The following GPHN variants were observed in gnomAD, a reference collection of about 807,000 sequenced individuals.
GPHN encodes gephyrin.
Under a neutral mutation model 95.5 loss-of-function variants are expected in GPHN, and 17 were observed. That is an observed-to-expected ratio of 0.18 (90% CI 0.12 to 0.27). The LOEUF (loss-of-function observed/expected upper bound fraction) is 0.27, where lower values mean the gene tolerates loss of function less well. GPHN is among the 10% of genes least tolerant of loss of function. GPHN has a pLI of 1.00. For missense variants in GPHN, 660 were observed against 978.1 expected, an observed-to-expected ratio of 0.67 and a Z score of 4.34; for synonymous variants, 320 against 322.5, an observed-to-expected ratio of 0.99 and a Z score of 0.08.
At chr14:67,724,995 G>A in the GPHN span, 1 of 1,287,934 alleles carries the variant, frequency 7.8e-7, no homozygotes, top group Non-Finnish European at 1.1e-6. Flanking sequence ...TTGAAGGATG[G>A]CTGGGAGAAT....
chr14:67,079,324 T>A (rs2076605643), intron 11 of GPHN, among the ~76,000 whole-genome samples: 1 of 152,074 alleles, frequency 6.6e-6, no homozygotes. Flanking sequence ...TCAGTGTTTT[T>A]AGTATACTCA....
the GPHN span, chr14:67,269,735 G>A: frequency 6.6e-6 from 1 of 152,556 alleles, no homozygotes; most frequent in South Asian, 2.1e-4. Context: ...AAAAACCGGA[G>A]AAGAGAAACT....
chr14:67,137,471 A>T (rs2080159956), intron 17 of GPHN, among the ~76,000 whole-genome samples: 1 of 152,006 alleles, frequency 6.6e-6, no homozygotes, highest in Non-Finnish European at 1.5e-5. Flanking sequence ...AGAAAAAAAG[A>T]ATTATTTTTC....
At chr14:67,109,113 A>G (rs573068437) in intron 13 of GPHN, among the ~76,000 whole-genome samples, 40 of 152,280 alleles carry the variant, frequency 2.6e-4, no homozygotes, top group African/African-American at 9.6e-4. Context: ...AGCAATTATA[A>G]TGGTATTTGT....
chr14:66,522,800 CT>C (rs11319369), intron 1 of GPHN, among the ~76,000 whole-genome samples: 38,748 of 150,476 alleles, frequency 0.26, 9,757 homozygotes, highest in African/African-American at 0.62. Context: ...TTTGTTTGTC[CT>C]TTTTTTTCCT....
At chr14:67,572,862 A>T in the GPHN span, among the ~76,000 whole-genome samples, 2 of 152,228 alleles carry the variant, frequency 1.3e-5, no homozygotes, top group Admixed American at 6.5e-5. Flanking sequence ...GGTTGCCCAG[A>T]CCTGCCTTGC....
At chr14:67,727,245 C>A in the GPHN span, 2 of 1,410,438 alleles carry the variant, frequency 1.4e-6, no homozygotes, top group East Asian at 2.4e-5. Context: ...AATTAGAGGT[C>A]CACAGCAACT....
chr14:66,723,990 C>A (rs1204216681), intron 2 of GPHN, among the ~76,000 whole-genome samples: 2 of 131,256 alleles, frequency 1.5e-5, no homozygotes, highest in South Asian at 4.5e-4. Flanking sequence ...CATACATACA[C>A]ACACACACAC....
the GPHN span, among the ~76,000 whole-genome samples, chr14:67,572,826 C>T: frequency 2.2e-4 from 34 of 152,214 alleles, no homozygotes; most frequent in South Asian, 6.2e-4. Context: ...CCATGACCCT[C>T]CAGTCCTGCC....
intron 2 of GPHN, among the ~76,000 whole-genome samples, chr14:66,752,613 A>G (rs555849278): frequency 1.3e-5 from 2 of 152,222 alleles, no homozygotes; most frequent in Admixed American, 6.6e-5. Context: ...TTACAAGAGT[A>G]ATATCAAAGG....
At chr14:66,588,052 A>G (rs1446628566) in intron 1 of GPHN, among the ~76,000 whole-genome samples, 1 of 152,168 alleles carries the variant, frequency 6.6e-6, no homozygotes, top group African/African-American at 2.4e-5. Context: ...ACAGGTAGCA[A>G]TCTTTGCTGT....
At chr14:67,200,056 C>T in the GPHN span, 1 of 932,728 alleles carries the variant, frequency 1.1e-6, no homozygotes, top group Non-Finnish European at 1.6e-6. Context: ...TGGGGGACAG[C>T]CACCACCCCA....
intron 2 of GPHN, among the ~76,000 whole-genome samples, chr14:66,770,542 A>G (rs1053900890): frequency 8.5e-5 from 13 of 152,306 alleles, no homozygotes; most frequent in Admixed American, 3.3e-4. Context: ...ACAAGAATCT[A>G]TTTCAACCCT....
At chr14:67,594,371 G>A in the GPHN span, among the ~76,000 whole-genome samples, 10 of 152,138 alleles carry the variant, frequency 6.6e-5, no homozygotes, top group Non-Finnish European at 1.3e-4. Flanking sequence ...GGACCCAGCC[G>A]AGTGAGGTGG....
intron 2 of GPHN, among the ~76,000 whole-genome samples, chr14:66,749,781 C>A (rs2058298963): frequency 6.6e-6 from 1 of 151,272 alleles, no homozygotes; most frequent in African/African-American, 2.4e-5. Context: ...ATATTTTCTT[C>A]CAGTCTGTGG....
At chr14:66,522,174 A>G (rs558532630) in intron 1 of GPHN, among the ~76,000 whole-genome samples, 18 of 152,286 alleles carry the variant, frequency 1.2e-4, no homozygotes, top group Middle Eastern at 3.4e-3. Context: ...TTCATACTCT[A>G]TATAAAAGAG....
the GPHN span, among the ~76,000 whole-genome samples, chr14:67,316,073 T>C: frequency 6.6e-6 from 1 of 152,212 alleles, no homozygotes; most frequent in Non-Finnish European, 1.5e-5. Flanking sequence ...AATCTCTGGC[T>C]TTACACTGAA....
At chr14:67,625,680 C>CAAAAAAA in the GPHN span, among the ~76,000 whole-genome samples, 30 of 31,860 alleles carry the variant, frequency 9.4e-4, no homozygotes, top group Middle Eastern at 0.016. Flanking sequence ...AACTCCATCT[C>CAAAAAAA]AAAAAAAAAA....
rs142783529 is a variant in GPHN, at chr14:66,828,591, G to A, written c.294+4025G>A. Among the ~76,000 whole-genome samples, 319 of 151,968 alleles carry A rather than the reference G, an allele frequency of 2.1e-3. 1 individual carries two copies. Among genetic ancestry groups the A allele is most frequent in the African/African-American group, 7.2e-3 (300 of 41,460 alleles). On this transcript the variant is annotated intron_variant, in intron 4 of 22. Transcript: ENST00000478722. ...AAAATCCTAATAATGCTTTATAGTCGATGATTGTCAGTAATTAGCTTAATC... is the reference window on the plus strand; with the variant it reads ...AAAATCCTAATAATGCTTTATAGTCAATGATTGTCAGTAATTAGCTTAATC...
Sources: gnomAD v4.1 joint callset for allele counts (sites outside exome capture counted in the v4.1 genomes callset) on GRCh38, gnomAD v4.1.1 for gene constraint, MANE v1.5 for transcripts, NCBI Gene and HGNC (gene_info 2026-07-23, HGNC 2026-07-21) for gene names.